Variants in ATG7 observed in about 807,000 individuals in gnomAD.
The protein encoded by ATG7 is ubiquitin-like modifier-activating enzyme ATG7.
A neutral mutation model predicts 82.4 loss-of-function variants in ATG7; 70 were observed. The ratio of observed to expected loss-of-function variants is 0.85; its 90% confidence interval spans 0.70 to 1.04. The LOEUF (loss-of-function observed/expected upper bound fraction) is 1.04, where lower values mean the gene tolerates loss of function less well. ATG7 is among the 50% of genes least tolerant of loss of function. The probability of loss-of-function intolerance (pLI) is 0.00; values close to 1 mark genes in which losing one functional copy is unlikely to be tolerated. For synonymous variants in ATG7, 287 were observed against 313.0 expected (o/e 0.92, Z 0.88); for missense variants, 792 against 864.3 (o/e 0.92, Z 1.05).
At chr3:11,552,399 G>A (rs1162587332) in intron 20 of ATG7, among the ~76,000 whole-genome samples, 1 of 152,136 alleles carries the variant, frequency 6.6e-6, no homozygotes, top group East Asian at 1.9e-4. Flanking sequence ...TCTTCACTAA[G>A]AGGACATTCA....
intron 11 of ATG7, among the ~76,000 whole-genome samples, chr3:11,339,309 A>AG (rs1553618849): frequency 4.5e-5 from 6 of 132,138 alleles, no homozygotes; most frequent in African/African-American, 1.3e-4. Context: ...AAAAAAAAAA[A>AG]AAAAGAAAAG....
intron 19 of ATG7, among the ~76,000 whole-genome samples, chr3:11,413,520 A>T (rs143456128): frequency 6.6e-6 from 1 of 152,138 alleles, no homozygotes; most frequent in African/African-American, 2.4e-5. Flanking sequence ...GTCATGTTGT[A>T]TAATCCTTTT....
chr3:11,306,999 A>G lies in ATG7; in HGVS notation c.272A>G (p.Asn91Ser). The change falls in exon 6 of 21, where the codon AAC becomes AGC. Residue 91 changes from asparagine (N) to serine (S), a missense_variant. Physicochemically the swap from Asn to Ser is conservative, Grantham distance 46. Coordinates refer to ENST00000693202, the MANE Select transcript of ATG7 (RefSeq NM_001349232.2). ...CPAIGTLYNT[N>S]TLESFKTADK... ...GCTATTGGAACACTGTATAACACCA[A>G]CACACTCGAGTCTTTCAAGACTGCA... 6.2e-7 allele frequency: 1 copy of G among 1,614,044 alleles called. No individual in the cohort carries two copies. Among genetic ancestry groups the G allele is most frequent in the Non-Finnish European group, 8.5e-7 (1 of 1,179,994 alleles).
chr3:11,506,554 C>CAAA (rs754696496), intron 20 of ATG7, among the ~76,000 whole-genome samples: 10 of 24,950 alleles, frequency 4.0e-4, no homozygotes, highest in Non-Finnish European at 6.5e-4. Flanking sequence ...CCCATCTCTA[C>CAAA]AAAAAAAAAA....
chr3:11,281,454 T>C (rs1489067729), intron 2 of ATG7, among the ~76,000 whole-genome samples: 4 of 152,198 alleles, frequency 2.6e-5, no homozygotes, highest in Non-Finnish European at 4.4e-5. Flanking sequence ...TCCAGTGGTC[T>C]TTAGAACCCA....
At chr3:11,491,233 C>T (rs1401273284) in intron 20 of ATG7, among the ~76,000 whole-genome samples, 2 of 152,172 alleles carry the variant, frequency 1.3e-5, no homozygotes, top group South Asian at 2.1e-4. Flanking sequence ...CATCTTCCAT[C>T]ACTGATACCC....
intron 1 of ATG7, among the ~76,000 whole-genome samples, chr3:11,274,457 C>T (rs2594989): frequency 0.86 from 131,482 of 152,130 alleles, 57,073 homozygotes; most frequent in East Asian, 1. Flanking sequence ...ACCTGAAGGA[C>T]GAACGAGATC....
At chr3:11,540,918 G>GTT (rs1164896864) in intron 20 of ATG7, among the ~76,000 whole-genome samples, 1 of 106,974 alleles carries the variant, frequency 9.3e-6, no homozygotes, top group African/African-American at 4.5e-5. Context: ...GGGGGGGGGA[G>GTT]GGGGGGAGTC....
chr3:11,518,978 G>T (rs1036217349), intron 20 of ATG7, among the ~76,000 whole-genome samples: 1 of 151,456 alleles, frequency 6.6e-6, no homozygotes, highest in Non-Finnish European at 1.5e-5. Flanking sequence ...TTTTCATCAA[G>T]ATTTAAAAAA....
intron 18 of ATG7, 150 bp from the exon 19 acceptor site, chr3:11,379,822 A>G (rs1203502246): frequency 2.8e-6 from 2 of 710,394 alleles, no homozygotes; most frequent in East Asian, 5.3e-5. Flanking sequence ...TACAAGGGAA[A>G]ATACTCATTT....
At chr3:11,417,243 TG>T (rs1422029882) in intron 19 of ATG7, among the ~76,000 whole-genome samples, 1 of 152,244 alleles carries the variant, frequency 6.6e-6, no homozygotes, top group African/African-American at 2.4e-5. Context: ...TTCTGTCTGC[TG>T]GATCTTTCTA....
At position 11,411,679 on chromosome 3, in the gene ATG7, T is replaced by C. The variant is rs2080917856; in HGVS notation, c.1957-15125T>C. On this transcript the variant is annotated intron_variant, in intron 19 of 20. Coordinates refer to ENST00000693202, the MANE Select transcript of ATG7 (RefSeq NM_001349232.2). ...ATCAGATATGATTTTCAGATTATTT[T>C]GTCCCATTCCAGAAGTTGCCTTTTT... 2.0e-5 allele frequency among the ~76,000 whole-genome samples: 3 copies of C among 150,798 alleles called. No individual in the cohort carries two copies. The South Asian group carries it at 6.3e-4, about 32-fold the overall frequency.
At chr3:11,458,247 G>C (rs2085939639) in intron 20 of ATG7, among the ~76,000 whole-genome samples, 1 of 151,978 alleles carries the variant, frequency 6.6e-6, no homozygotes, top group Admixed American at 6.6e-5. Flanking sequence ...CACAGGCTTA[G>C]AAGTCAGACT....
intron 15 of ATG7, among the ~76,000 whole-genome samples, chr3:11,360,266 G>T (rs759451703): frequency 2.6e-5 from 4 of 152,118 alleles, no homozygotes; most frequent in African/African-American, 9.7e-5. Flanking sequence ...GGCTGGTCTC[G>T]AACTCCTGAC....
chr3:11,396,272 C>A (rs528467872), intron 19 of ATG7, among the ~76,000 whole-genome samples: 1 of 152,108 alleles, frequency 6.6e-6, no homozygotes, highest in East Asian at 1.9e-4. Context: ...CACAGTGAAA[C>A]CCCATCTTTA....
chr3:11,518,720 T>A (rs1575163167), intron 20 of ATG7, among the ~76,000 whole-genome samples: 1 of 152,304 alleles, frequency 6.6e-6, no homozygotes, highest in Middle Eastern at 3.4e-3. Context: ...GAGTGGCCCA[T>A]ACCCAAATTG....
At chr3:11,338,909 C>A (rs911356252) in intron 11 of ATG7, among the ~76,000 whole-genome samples, 1 of 152,074 alleles carries the variant, frequency 6.6e-6, no homozygotes, top group Non-Finnish European at 1.5e-5. Context: ...TTGGGCAATA[C>A]TATTTTTTTA....
At position 11,349,032 on chromosome 3, in the gene ATG7, CAG is replaced by C. The variant is rs1955034734; in HGVS notation, c.1284+1000_1284+1001del. Among the ~76,000 whole-genome samples the C allele has an allele frequency of 2.0e-5, 3 of 151,978 alleles. No homozygotes were observed. The South Asian group carries it at 6.2e-4, about 32-fold the overall frequency. ...GTGTTTACAATCCTCTAGCTAGACA[CAG>C]AGCGCTGATTGGTGTGTTTTTACAG... On this transcript the variant is annotated intron_variant, in intron 14 of 20. Transcript: ENST00000693202.
chr3:11,509,249 A>G (rs7625881), intron 20 of ATG7, among the ~76,000 whole-genome samples: 26,598 of 152,246 alleles, frequency 0.17, 2,890 homozygotes, highest in South Asian at 0.35. Flanking sequence ...TTAGAGGCCA[A>G]CTTGGTTGGC....
Sources: gnomAD v4.1 joint callset for allele counts (sites outside exome capture counted in the v4.1 genomes callset) on GRCh38, gnomAD v4.1.1 for gene constraint, MANE v1.5 for transcripts, NCBI Gene and HGNC (gene_info 2026-07-23, HGNC 2026-07-21) for gene names.